The following FAT2 variants were observed in gnomAD, a reference collection of about 807,000 sequenced individuals.
The protein encoded by FAT2 is protocadherin Fat 2.
A neutral mutation model predicts 295.3 loss-of-function variants in FAT2; 150 were observed. The observed-to-expected ratio is 0.51, with a 90% confidence interval of 0.44 to 0.58. FAT2 has a LOEUF of 0.58. FAT2 is among the 20% of genes least tolerant of loss of function. The pLI, the probability that FAT2 is intolerant of heterozygous loss-of-function variation, is 0.00. For missense variants in FAT2, 4,868 were observed against 5,442.7 expected (o/e 0.89, Z 3.32); for synonymous variants, 2,026 against 2,150.3 (o/e 0.94, Z 1.60).
chr5:151,556,416 G>C lies in FAT2; in HGVS notation c.3575-14C>G. On this transcript the variant is annotated splice_polypyrimidine_tract_variant and intron_variant, in intron 3 of 23. Transcript: ENST00000261800. ...TAGATAGGAGACCTGAGAGAGAGATGATAAGGGAGAGACATGAGCAGAAGA... is the reference window on the plus strand; with the variant it reads ...TAGATAGGAGACCTGAGAGAGAGATCATAAGGGAGAGACATGAGCAGAAGA... 1 of 1,608,434 alleles carries C rather than the reference G, an allele frequency of 6.2e-7. No individual in the cohort carries two copies. Among genetic ancestry groups the C allele is most frequent in the Non-Finnish European group, 8.5e-7 (1 of 1,175,956 alleles).
At chr5:151,506,167 C>A in intron 23 of FAT2, 70 bp from the exon 24 acceptor site, 1 of 1,456,686 alleles carries the variant, frequency 6.9e-7, no homozygotes, top group Non-Finnish European at 9.0e-7. Flanking sequence ...TCTATAGCAA[C>A]TATATATAAC....
Position 151,567,037 on chromosome 5 carries a change from T to C in FAT2, c.1895A>G (p.Gln632Arg), listed in dbSNP as rs769530138. 5.0e-6 allele frequency: 8 copies of C among 1,614,078 alleles called. No homozygotes were observed. The highest frequency in any genetic ancestry group is 5.1e-6 in the Non-Finnish European group (6 of 1,179,934). Residue 632 changes from glutamine (Q) to arginine (R), a missense_variant, in exon 2 of 24, where the codon CAA becomes CGA. This residue lies in a region of FAT2 where 3,297 missense variants were observed against 3,669.4 expected (regional missense o/e 0.90). Transcript: ENST00000261800. Reference protein sequence around the residue: ...KRPFINLTAGQPTSYSLKITA... With the variant: ...KRPFINLTAGRPTSYSLKITA... ...AATCTTCAGGGAATAACTGGTGGGT[T>C]GACCAGCAGTAAGATTGATAAAAGG...
At position 151,565,841 on chromosome 5, in the gene FAT2, G is replaced by T; in HGVS notation, c.3091C>A (p.His1031Asn). 1 of 1,614,140 alleles carries T rather than the reference G, an allele frequency of 6.2e-7. No individual in the cohort carries two copies. Among genetic ancestry groups the T allele is most frequent in the Non-Finnish European group, 8.5e-7 (1 of 1,180,024 alleles). Residue 1031 changes from histidine (H) to asparagine (N), a missense_variant, in exon 2 of 24, where the codon CAC (histidine) becomes AAC (asparagine). Physicochemically the swap from His to Asn is moderately conservative, Grantham distance 68 (BLOSUM62 1). Transcript: ENST00000261800. ...LDVNENLHPPHFASFVHQGQV... is the reference protein window; with the variant it reads ...LDVNENLHPPNFASFVHQGQV... ...CCCTGGTGCACGAAGGAGGCAAAGTGGGGAGGGTGGAGATTCTCATTCACA... is the reference window on the plus strand; with the variant it reads ...CCCTGGTGCACGAAGGAGGCAAAGTTGGGAGGGTGGAGATTCTCATTCACA...
chr5:151,550,514 A>G, intron 8 of FAT2, 76 bp downstream of exon 8: 1 of 1,502,808 alleles, frequency 6.7e-7, no homozygotes, highest in Non-Finnish European at 9.1e-7. Flanking sequence ...GGGGACCTTC[A>G]GCATGTCTCC....
intron 12 of FAT2, among the ~76,000 whole-genome samples, chr5:151,537,466 A>G (rs899188947): frequency 2.0e-5 from 3 of 152,064 alleles, no homozygotes; most frequent in African/African-American, 7.2e-5. Flanking sequence ...AGGGAAGGAA[A>G]GGAGAAACCA....
chr5:151,544,803 T>C lies in FAT2; in HGVS notation c.6324A>G (p.Glu2108=), dbSNP rs1295093860. 1.2e-6 allele frequency: 2 copies of C among 1,614,088 alleles called. No individual in the cohort carries two copies. The highest frequency in any genetic ancestry group is 1.7e-6 in the Non-Finnish European group (2 of 1,180,048). The change falls in exon 10 of 24, where the codon GAA becomes GAG. Residue 2108 remains glutamate, a synonymous_variant. Transcript: ENST00000261800. ...GGAAATATGTGTAATCTTCTGCAAA[T>C]TCATATGTAACAGCCCCATTTGTCC... The part of the protein sequence containing the change: ...DLGTNGAVTY[E]FAEDYTYFRI...
chr5:151,514,865 C>G (rs1752687115), intron 20 of FAT2, among the ~76,000 whole-genome samples: 1 of 152,206 alleles, frequency 6.6e-6, no homozygotes, highest in Non-Finnish European at 1.5e-5. Flanking sequence ...ATTCTCCTTC[C>G]TCTTTCTTAC....
upstream of FAT2, among the ~76,000 whole-genome samples, chr5:151,592,175 G>A (rs900793336): frequency 3.3e-5 from 5 of 152,254 alleles, no homozygotes; most frequent in Non-Finnish European, 7.4e-5. Context: ...ATTCCATTAC[G>A]CACCCTGTGT....
intron 9 of FAT2, among the ~76,000 whole-genome samples, chr5:151,548,520 G>A (rs556297787): frequency 4.6e-5 from 7 of 151,756 alleles, no homozygotes; most frequent in Non-Finnish European, 8.8e-5. Context: ...TTGCTGTGTC[G>A]CCCAGGCTGG....
At chr5:151,590,521 C>T (rs1759357293) in intron 1 of FAT2, among the ~76,000 whole-genome samples, 1 of 152,248 alleles carries the variant, frequency 6.6e-6, no homozygotes, top group Non-Finnish European at 1.5e-5. Context: ...ACCCCAACAA[C>T]TCCAGTGCTG....
chr5:151,523,430 G>T (rs1753688822), intron 18 of FAT2, among the ~76,000 whole-genome samples: 1 of 152,146 alleles, frequency 6.6e-6, no homozygotes, highest in African/African-American at 2.4e-5. Context: ...TATAACTGAG[G>T]CTCAAAGAGG....
At position 151,550,671 on chromosome 5, in the gene FAT2, C is replaced by T. The variant is rs1757114804; in HGVS notation, c.4497G>A (p.Leu1499=). ...QDPGSASLFQ[L]DPSSGVLVTV... is the part of the protein sequence containing the mutation. ...TTACCAGGACACCACTGCTTGGGTC[C>T]AGCTGGAAGAGGCTGGCACTTCCTG... Residue 1499 remains leucine, a synonymous_variant, in exon 8 of 24, where the codon CTG becomes CTA. Transcript: ENST00000261800. 1 of 1,614,074 alleles carries T rather than the reference C, an allele frequency of 6.2e-7. No homozygotes were observed. Among genetic ancestry groups the T allele is most frequent in the African/African-American group, 1.3e-5 (1 of 74,928 alleles).
At position 151,554,398 on chromosome 5, in the gene FAT2, G is replaced by C. The variant is rs2127630321; in HGVS notation, c.3909C>G (p.Ser1303Arg). 1.9e-6 allele frequency: 3 copies of C among 1,614,176 alleles called. No homozygotes were observed. In the South Asian group the frequency reaches 3.3e-5, roughly 18 times the overall value. The change falls in exon 5 of 24, where the codon AGC (serine) becomes AGG (arginine). Residue 1303 changes from serine to arginine, a missense_variant. Around this residue, in one of 5 missense-constraint regions of FAT2, gnomAD observed 3,297 missense variants for 3,669.4 expected, o/e 0.90. Transcript: ENST00000261800. ...TGTACTCTCCAGCTGTAAAAGTGCT[G>C]CTGGATGAAACCACACCTGTGACCA... The part of the protein sequence containing the change: ...IDLVTGVVSS[S>R]STFTAGEYNI...
chr5:151,554,885 G>C (rs548383384), intron 4 of FAT2, among the ~76,000 whole-genome samples: 1 of 152,242 alleles, frequency 6.6e-6, no homozygotes, highest in Non-Finnish European at 1.5e-5. Flanking sequence ...AGAACTGGAA[G>C]AAGACAGAGT....
At chr5:151,527,972 G>A (rs546349190) in intron 16 of FAT2, 24 bp downstream of exon 16, 20 of 1,612,534 alleles carry the variant, frequency 1.2e-5, no homozygotes, top group East Asian at 4.5e-5. Context: ...TGAGCTCAGG[G>A]TGCGCCCCTC....
Position 151,566,189 on chromosome 5 carries a change from A to G in FAT2, c.2743T>C (p.Leu915=), listed in dbSNP as rs376163837. ...GGAGAGTTGTCGTTGACATCCTCCA[A>G]TGTGATTATCAGGTCAGTGACAGAG... ...LFSVTDLIIT[L]EDVNDNSPQC... is the part of the protein sequence containing the mutation. Residue 915 remains leucine, a synonymous_variant, in exon 2 of 24, where the codon TTG becomes CTG. Transcript: ENST00000261800. 7 of 1,614,044 alleles carry G rather than the reference A, an allele frequency of 4.3e-6. No individual in the cohort carries two copies. The highest frequency in any genetic ancestry group is 5.9e-6 in the Non-Finnish European group (7 of 1,179,980).
intron 22 of FAT2, among the ~76,000 whole-genome samples, chr5:151,507,935 G>A (rs1041299325): frequency 6.6e-6 from 1 of 152,060 alleles, no homozygotes. Context: ...TAGAGACATC[G>A]ACTCTCTAGC....
chr5:151,558,766 G>A (rs2127637556), intron 3 of FAT2, among the ~76,000 whole-genome samples: 1 of 152,282 alleles, frequency 6.6e-6, no homozygotes, highest in South Asian at 2.1e-4. Flanking sequence ...GGCTGGTGCA[G>A]ATAAATAGAG....
At chr5:151,538,493 T>C (rs554101792) in intron 11 of FAT2, among the ~76,000 whole-genome samples, 3 of 152,178 alleles carry the variant, frequency 2.0e-5, no homozygotes, top group Middle Eastern at 3.4e-3. Context: ...CCACCCTCCC[T>C]TTGCTGCAGG....
Sources: allele counts gnomAD v4.1 joint callset (sites outside exome capture counted in the v4.1 genomes callset), GRCh38; gene constraint gnomAD v4.1.1; regional missense constraint gnomAD v4.1.1; transcripts MANE v1.5; gene names NCBI Gene and HGNC (gene_info 2026-07-23, HGNC 2026-07-21).